The following MSI2 variants were observed in gnomAD, a reference collection of about 807,000 sequenced individuals.
The protein encoded by MSI2 is musashi RNA binding protein 2, also known as RNA-binding protein Musashi homolog 2.
A neutral mutation model predicts 45.6 loss-of-function variants in MSI2; 17 were observed. The observed-to-expected ratio is 0.37, with a 90% CI of 0.26 to 0.56. The LOEUF (loss-of-function observed/expected upper bound fraction) is 0.56, where lower values mean the gene tolerates loss of function less well. Ranked by LOEUF, MSI2 falls within the 20% of genes least tolerant of loss-of-function variation. The probability of loss-of-function intolerance (pLI) is 0.77; values close to 1 mark genes in which losing one functional copy is unlikely to be tolerated. For synonymous variants in MSI2, 156 were observed against 158.2 expected (o/e 0.99, Z 0.11); for missense variants, 293 against 444.2 (o/e 0.66, Z 3.06).
chr17:57,449,398 T>G (rs2084955182), intron 6 of MSI2: 3 of 152,230 alleles, frequency 2.0e-5, no homozygotes, highest in Admixed American at 2.0e-4. Context: ...TTGTTTCTTT[T>G]TATTGGTTGG....
At chr17:57,533,533 T>G (rs1429326935) in intron 7 of MSI2, among the ~76,000 whole-genome samples, 1 of 152,234 alleles carries the variant, frequency 6.6e-6, no homozygotes, top group East Asian at 1.9e-4. Context: ...TTTCTGGCCT[T>G]TAGCTTTTTA....
At chr17:57,336,452 T>A (rs1472173427) in intron 5 of MSI2, among the ~76,000 whole-genome samples, 1 of 152,200 alleles carries the variant, frequency 6.6e-6, no homozygotes, top group Non-Finnish European at 1.5e-5. Context: ...CTGCTTCTTT[T>A]TTCGGGGTAA....
chr17:57,539,916 C>T (rs753523345), intron 7 of MSI2, among the ~76,000 whole-genome samples: 5 of 152,194 alleles, frequency 3.3e-5, no homozygotes, highest in Non-Finnish European at 7.3e-5. Flanking sequence ...CCTTACACAG[C>T]GTGGCAAATG....
intron 6 of MSI2, among the ~76,000 whole-genome samples, chr17:57,476,422 C>T (rs2085539270): frequency 6.6e-6 from 1 of 152,214 alleles, no homozygotes; most frequent in Admixed American, 6.5e-5. Flanking sequence ...CTAGAGTGGC[C>T]TACTGGGGTG....
intron 7 of MSI2, among the ~76,000 whole-genome samples, chr17:57,547,138 G>C (rs2087188153): frequency 6.6e-6 from 1 of 152,198 alleles, no homozygotes; most frequent in Admixed American, 6.5e-5. Flanking sequence ...CAAGTGTGCA[G>C]GACCTGGCAT....
chr17:57,515,958 G>T lies in MSI2; in HGVS notation c.406-13718G>T, dbSNP rs945902800. 4.6e-5 allele frequency among the ~76,000 whole-genome samples: 7 copies of T among 151,862 alleles called. No individual in the cohort carries two copies. The East Asian group carries it at 5.8e-4, about 13-fold the overall frequency. ...GACTCACAAGAAGTTGTAAAAATAG[G>T]ACAAAGAGCTCTTGTGAACCCTTCA... On this transcript the variant is annotated intron_variant, in intron 6 of 13. Coordinates refer to ENST00000284073, the MANE Select transcript of MSI2 (RefSeq NM_138962.4).
At chr17:57,362,548 C>A (rs1345119276) in intron 5 of MSI2, among the ~76,000 whole-genome samples, 1 of 152,180 alleles carries the variant, frequency 6.6e-6, no homozygotes, top group East Asian at 1.9e-4. Context: ...ACTGTTGCAA[C>A]AGCATTTTCT....
At chr17:57,281,890 A>G (rs1909454290) in intron 5 of MSI2, among the ~76,000 whole-genome samples, 1 of 152,218 alleles carries the variant, frequency 6.6e-6, no homozygotes, top group Admixed American at 6.5e-5. Context: ...GGATGTCCAG[A>G]AACTGGAGGT....
chr17:57,313,539 C>T (rs1309994049), intron 5 of MSI2, among the ~76,000 whole-genome samples: 1 of 152,028 alleles, frequency 6.6e-6, no homozygotes, highest in Non-Finnish European at 1.5e-5. Context: ...AATATGGTGG[C>T]TTAAAGAAAA....
At chr17:57,474,130 A>G (rs887710613) in intron 6 of MSI2, among the ~76,000 whole-genome samples, 13 of 152,200 alleles carry the variant, frequency 8.5e-5, no homozygotes, top group African/African-American at 2.9e-4. Flanking sequence ...TGCAGCACCC[A>G]GGGCTTTTTC....
chr17:57,354,858 T>A (rs1202932654), intron 5 of MSI2, among the ~76,000 whole-genome samples: 1 of 152,184 alleles, frequency 6.6e-6, no homozygotes, highest in African/African-American at 2.4e-5. Context: ...TCTCTCTAGC[T>A]GCTGGGCAGA....
intron 12 of MSI2, among the ~76,000 whole-genome samples, chr17:57,675,582 A>G (rs369021376): frequency 1.3e-5 from 2 of 152,160 alleles, no homozygotes; most frequent in Non-Finnish European, 2.9e-5. Flanking sequence ...CTGGGACCTG[A>G]GAGCTGGGAA....
In MSI2 at chr17:57,552,225, G is replaced by A. The variant is rs1225537165; in HGVS notation, c.454+22501G>A. Among the ~76,000 whole-genome samples, 27 of 152,220 alleles carry A rather than the reference G, an allele frequency of 1.8e-4. No homozygotes were observed. Among genetic ancestry groups the A allele is most frequent in the African/African-American group, 4.8e-5 (2 of 41,462 alleles). ...TTTACTGCTAACGGGACAGAGTAAC[G>A]CACATAACCCATGGGGGAGTTGCAG... On this transcript the variant is annotated intron_variant, in intron 7 of 13. Transcript: ENST00000284073. This position sits in a 1 kb window ranked among gnomAD's most constrained non-coding sequence, Gnocchi z 4.3.
intron 11 of MSI2, among the ~76,000 whole-genome samples, chr17:57,671,740 T>C (rs1310170746): frequency 6.6e-6 from 1 of 152,214 alleles, no homozygotes; most frequent in African/African-American, 2.4e-5. Context: ...GCTTTGTCCC[T>C]AATGCCTTCC....
chr17:57,448,598 ATG>A (rs1411299000), intron 6 of MSI2: 1 of 152,178 alleles, frequency 6.6e-6, no homozygotes, highest in Admixed American at 6.5e-5. Flanking sequence ...AGCCAGGGAG[ATG>A]TGTGACTGTG....
intron 9 of MSI2, among the ~76,000 whole-genome samples, chr17:57,618,810 G>A (rs1043736146): frequency 6.6e-6 from 1 of 152,152 alleles, no homozygotes; most frequent in Non-Finnish European, 1.5e-5. Context: ...CCAAAGTGCT[G>A]GGATTACAGG....
intron 6 of MSI2, among the ~76,000 whole-genome samples, chr17:57,416,834 G>T (rs1342484348): frequency 6.6e-6 from 1 of 152,196 alleles, no homozygotes; most frequent in Non-Finnish European, 1.5e-5. Flanking sequence ...GGAGGAAGAA[G>T]GTCTCTTATC....
chr17:57,580,178 AT>A (rs1332312158), intron 7 of MSI2, among the ~76,000 whole-genome samples: 1 of 151,752 alleles, frequency 6.6e-6, no homozygotes, highest in African/African-American at 2.4e-5. Flanking sequence ...CTTAGCACTG[AT>A]TTTTCTGTCC....
intron 11 of MSI2, among the ~76,000 whole-genome samples, chr17:57,673,846 T>C (rs1288556715): frequency 1.3e-5 from 2 of 152,032 alleles, no homozygotes; most frequent in East Asian, 3.9e-4. Flanking sequence ...CACTCTGGAG[T>C]TGACATTGCA....
Sources: allele counts gnomAD v4.1 joint callset (sites outside exome capture counted in the v4.1 genomes callset), GRCh38; gene constraint gnomAD v4.1.1; non-coding constraint Gnocchi (gnomAD v3.1); transcripts MANE v1.5; gene names NCBI Gene and HGNC (gene_info 2026-07-23, HGNC 2026-07-21).